DCC: variants seen among roughly 807,000 people sequenced by gnomAD.
The protein encoded by DCC is DCC netrin 1 receptor.
Under a neutral mutation model 172.5 loss-of-function variants are expected in DCC, and 58 were observed. That is an observed-to-expected ratio of 0.34 (90% CI 0.27 to 0.42). DCC has a LOEUF of 0.42. DCC is among the 10% of genes least tolerant of loss of function. The pLI, the probability that DCC is intolerant of heterozygous loss-of-function variation, is 1.00. For missense variants in DCC, 1,740 were observed against 1,791.0 expected (o/e 0.97, Z 0.51); for synonymous variants, 709 against 644.5 (o/e 1.10, Z -1.52).
At position 53,331,235 on chromosome 18, in the gene DCC, A is replaced by G. The variant is rs118032347; in HGVS notation, c.2165-8478A>G. On this transcript the variant is annotated intron_variant, in intron 14 of 28. Transcript: ENST00000442544. ...GGTGTTTTTGTTTGTTTGTTCTGAG[A>G]CAAACCAATAGGTCTGTAGTTTTGA... Among the ~76,000 whole-genome samples the G allele has an allele frequency of 6.1e-3, 929 of 152,314 alleles. 7 individuals are homozygous for G. The highest frequency in any genetic ancestry group is 0.01 in the Non-Finnish European group (706 of 68,028).
At chr18:52,931,449 T>C (rs899567235) in intron 5 of DCC, among the ~76,000 whole-genome samples, 1 of 152,126 alleles carries the variant, frequency 6.6e-6, no homozygotes, top group Non-Finnish European at 1.5e-5. Flanking sequence ...CCTTTCAACT[T>C]GCAGTCCTTT....
At chr18:53,207,988 A>G (rs1294886425) in intron 11 of DCC, among the ~76,000 whole-genome samples, 171 bp downstream of exon 11, 2 of 151,968 alleles carry the variant, frequency 1.3e-5, no homozygotes, top group East Asian at 1.9e-4. Flanking sequence ...TCCCAGCTGG[A>G]TGTGGTAGTT....
At chr18:52,759,180 C>T (rs539378218) in intron 2 of DCC, 2 of 152,126 alleles carry the variant, frequency 1.3e-5, no homozygotes, top group African/African-American at 4.8e-5. Flanking sequence ...ATTTCCCCAA[C>T]GCCTATTCCA....
intron 7 of DCC, among the ~76,000 whole-genome samples, chr18:53,105,016 C>T (rs144980444): frequency 2.7e-4 from 41 of 152,100 alleles, no homozygotes; most frequent in African/African-American, 8.7e-4. Flanking sequence ...TTCATGCATG[C>T]ATTTAATGGG....
At chr18:52,396,527 G>T (rs147136316) in intron 1 of DCC, among the ~76,000 whole-genome samples, 61 of 152,136 alleles carry the variant, frequency 4.0e-4, no homozygotes, top group African/African-American at 1.4e-3. Flanking sequence ...AAGTCGCCCT[G>T]TGATTTAGTC....
rs1568192205 is a variant in DCC at position 52,927,148 on chromosome 18, T to TATATACGTGTATATAC, written c.985+1778_985+1779insATATACGTGTATATAC. Among the ~76,000 whole-genome samples, 18 of 40,690 alleles carry TATATACGTGTATATAC rather than the reference T, an allele frequency of 4.4e-4. 5 individuals carry two copies. Among genetic ancestry groups the TATATACGTGTATATAC allele is most frequent in the Non-Finnish European group, 7.8e-4 (13 of 16,694 alleles). The allele number at this position is 40,690 out of a possible 152,430, so 26.7% of individuals were successfully genotyped here. ...ATACACGTATATACGTGTATATATG[T>TATATACGTGTATATAC]GTATATATACGTATATATGTGTATA... On this transcript the variant is annotated intron_variant, in intron 5 of 28. Transcript: ENST00000442544.
At chr18:52,917,226 G>A (rs2040056310) in intron 3 of DCC, among the ~76,000 whole-genome samples, 1 of 151,980 alleles carries the variant, frequency 6.6e-6, no homozygotes, top group Non-Finnish European at 1.5e-5. Flanking sequence ...AGGCTGAGGT[G>A]GAAGATGGCT....
intron 1 of DCC, among the ~76,000 whole-genome samples, chr18:52,737,589 A>C (rs1568072638): frequency 6.6e-6 from 1 of 152,112 alleles, no homozygotes; most frequent in Non-Finnish European, 1.5e-5. Context: ...AAGCCCCTGG[A>C]ATAGGTACAG....
At chr18:53,222,669 A>AACC (rs1555733652) in intron 12 of DCC, among the ~76,000 whole-genome samples, 115 of 152,004 alleles carry the variant, frequency 7.6e-4, no homozygotes, top group African/African-American at 2.2e-3. Flanking sequence ...TACAGGCGTG[A>AACC]ACCACCACGC....
At chr18:52,799,680 C>T (rs968490163) in intron 2 of DCC, among the ~76,000 whole-genome samples, 4 of 152,100 alleles carry the variant, frequency 2.6e-5, no homozygotes, top group Admixed American at 6.5e-5. Flanking sequence ...TCAAATGGCT[C>T]GGTGTCCAAG....
chr18:53,479,947 T>G (rs994702887), intron 25 of DCC, among the ~76,000 whole-genome samples: 1 of 152,186 alleles, frequency 6.6e-6, no homozygotes, highest in Non-Finnish European at 1.5e-5. Flanking sequence ...CACAATTTGT[T>G]GTGGAAATCT....
chr18:52,503,489 G>GA (rs2031110182), intron 1 of DCC, among the ~76,000 whole-genome samples: 1 of 152,088 alleles, frequency 6.6e-6, no homozygotes, highest in Non-Finnish European at 1.5e-5. Flanking sequence ...GTTTACCTAT[G>GA]AAAAAATATA....
intron 27 of DCC, among the ~76,000 whole-genome samples, chr18:53,523,908 A>G (rs779338826): frequency 3.3e-5 from 5 of 152,076 alleles, no homozygotes; most frequent in Non-Finnish European, 5.9e-5. Flanking sequence ...ATAAGAAAAA[A>G]AGAAGGGGGA....
intron 15 of DCC, among the ~76,000 whole-genome samples, chr18:53,372,876 A>G (rs75248978): frequency 2.0e-5 from 3 of 152,098 alleles, no homozygotes; most frequent in African/African-American, 7.2e-5. Context: ...TGAAAGTCAG[A>G]GACCATGTGA....
At chr18:53,183,485 T>C (rs745959202) in intron 9 of DCC, among the ~76,000 whole-genome samples, 2 of 152,130 alleles carry the variant, frequency 1.3e-5, no homozygotes, top group African/African-American at 2.4e-5. Context: ...TGAATTATTA[T>C]TTGCAGTCCT....
chr18:52,420,452 C>T (rs758405987), intron 1 of DCC, among the ~76,000 whole-genome samples: 1 of 152,142 alleles, frequency 6.6e-6, no homozygotes. Flanking sequence ...CAGAATACCA[C>T]AATGAGTGTT....
chr18:53,222,259 C>T lies in DCC; in HGVS notation c.1911+6662C>T, dbSNP rs534720379. ...TGTAATTAAGTTGAATAAAAGAATACTCTGCAAATTTGCAAATTCAAAGCA... is the reference window on the plus strand; with the variant it reads ...TGTAATTAAGTTGAATAAAAGAATATTCTGCAAATTTGCAAATTCAAAGCA... On this transcript the variant is annotated intron_variant, in intron 12 of 28. Coordinates refer to ENST00000442544, the MANE Select transcript of DCC (RefSeq NM_005215.4). Among the ~76,000 whole-genome samples the T allele has an allele frequency of 5.9e-5, 9 of 152,194 alleles. No individual in the cohort carries two copies. In the South Asian group the frequency reaches 1.0e-3, roughly 18 times the overall value.
intron 1 of DCC, among the ~76,000 whole-genome samples, chr18:52,413,167 A>C (rs537175596): frequency 1.3e-5 from 2 of 151,692 alleles, no homozygotes; most frequent in African/African-American, 2.4e-5. Flanking sequence ...TAATATATCC[A>C]CATTACCCAG....
chr18:53,297,360 G>A (rs2057079811), intron 12 of DCC, among the ~76,000 whole-genome samples: 1 of 152,142 alleles, frequency 6.6e-6, no homozygotes, highest in Non-Finnish European at 1.5e-5. Flanking sequence ...GATCAAAGAG[G>A]GGATGGAGGA....
Sources: allele counts gnomAD v4.1 joint callset (sites outside exome capture counted in the v4.1 genomes callset), GRCh38; gene constraint gnomAD v4.1.1; transcripts MANE v1.5; gene names NCBI Gene and HGNC (gene_info 2026-07-23, HGNC 2026-07-21).